LRMDA: variants seen among roughly 807,000 people sequenced by gnomAD.
LRMDA encodes leucine rich melanocyte differentiation associated.
In LRMDA, 18 loss-of-function variants were observed where a neutral mutation model predicts 29.8. The ratio of observed to expected loss-of-function variants is 0.60; its 90% confidence interval spans 0.42 to 0.90. LRMDA has a LOEUF of 0.90. Among genes scored for constraint, LRMDA ranks in the 40% least tolerant of loss-of-function variants. The pLI, the probability that LRMDA is intolerant of heterozygous loss-of-function variation, is 0.00. For missense variants in LRMDA, 273 were observed against 273.9 expected, an observed-to-expected ratio of 1.00 and a Z score of 0.02; for synonymous variants, 125 against 109.4, an observed-to-expected ratio of 1.14 and a Z score of -0.89.
chr10:75,697,335 A>T (rs116156376), intron 2 of LRMDA, among the ~76,000 whole-genome samples: 6,116 of 129,294 alleles, frequency 0.047, 182 homozygotes, highest in South Asian at 0.1. Flanking sequence ...TTTTTTTTTT[A>T]AAGTAGTTCA....
At chr10:75,749,446 A>G (rs1842926724) in intron 2 of LRMDA, among the ~76,000 whole-genome samples, 1 of 152,064 alleles carries the variant, frequency 6.6e-6, no homozygotes, top group Non-Finnish European at 1.5e-5. Flanking sequence ...ATTTATACAG[A>G]TATATATGTG....
intron 6 of LRMDA, among the ~76,000 whole-genome samples, chr10:76,477,753 G>C (rs1305175708): frequency 2.6e-5 from 4 of 151,858 alleles, no homozygotes; most frequent in South Asian, 2.1e-4. Context: ...TACCACACAT[G>C]TACAACTCTC....
At chr10:75,790,426 G>A (rs1843546073) in intron 2 of LRMDA, among the ~76,000 whole-genome samples, 1 of 152,204 alleles carries the variant, frequency 6.6e-6, no homozygotes, top group South Asian at 2.1e-4. Context: ...AATTGCAGAT[G>A]TTGCTAAAAT....
intron 2 of LRMDA, among the ~76,000 whole-genome samples, chr10:75,941,424 G>A (rs1361170642): frequency 6.6e-6 from 1 of 152,144 alleles, no homozygotes; most frequent in Non-Finnish European, 1.5e-5. Context: ...GCATAAGGAG[G>A]GGTGGCTATA....
chr10:75,919,325 A>G (rs766864096), intron 2 of LRMDA, among the ~76,000 whole-genome samples: 24 of 152,290 alleles, frequency 1.6e-4, no homozygotes, highest in Non-Finnish European at 3.1e-4. Flanking sequence ...CTCAAGATTC[A>G]TTTACTCAGC....
intron 2 of LRMDA, among the ~76,000 whole-genome samples, chr10:75,626,178 TTAGC>T (rs1361409573): frequency 1.3e-5 from 2 of 152,032 alleles, no homozygotes; most frequent in Non-Finnish European, 2.9e-5. Flanking sequence ...ATGCTCTATT[TTAGC>T]TACTCACCAC....
intron 2 of LRMDA, among the ~76,000 whole-genome samples, chr10:75,968,135 C>CT (rs1846899587): frequency 6.6e-6 from 1 of 151,966 alleles, no homozygotes; most frequent in Non-Finnish European, 1.5e-5. Context: ...TCCACCTGGT[C>CT]TGTGGTCTTG....
At chr10:76,531,842 G>A (rs1173339183) in intron 6 of LRMDA, among the ~76,000 whole-genome samples, 1 of 152,116 alleles carries the variant, frequency 6.6e-6, no homozygotes, top group Non-Finnish European at 1.5e-5. Context: ...GGAAAAGTGT[G>A]TGTAGAATTG....
intron 6 of LRMDA, among the ~76,000 whole-genome samples, chr10:76,540,551 A>G (rs1285870821): frequency 6.6e-6 from 1 of 151,818 alleles, no homozygotes; most frequent in Non-Finnish European, 1.5e-5. Context: ...AATCCAACCC[A>G]CCCCATCGTC....
chr10:76,370,173 C>G (rs1211624487), intron 6 of LRMDA, among the ~76,000 whole-genome samples: 1 of 151,960 alleles, frequency 6.6e-6, no homozygotes, highest in South Asian at 2.1e-4. Context: ...AAGAATTCCT[C>G]GTACACAAGA....
chr10:76,488,493 T>A (rs1019129165), intron 6 of LRMDA, among the ~76,000 whole-genome samples: 1 of 151,868 alleles, frequency 6.6e-6, no homozygotes, highest in Non-Finnish European at 1.5e-5. Context: ...GTATCAATAG[T>A]TCATTTAAAA....
In LRMDA at chr10:75,949,218, T is replaced by C. The variant is rs528853533; in HGVS notation, c.132-86790T>C. 5.9e-5 allele frequency among the ~76,000 whole-genome samples: 9 copies of C among 152,308 alleles called. No individual in the cohort carries two copies. The South Asian group carries it at 1.9e-3, about 32-fold the overall frequency. On this transcript the variant is annotated intron_variant, in intron 2 of 6. Transcript: ENST00000611255. ...GGTGTCCTGGAATACCAGAAGCAGC[T>C]GGCCACTTGCAAAAAAGGTTTGTCG...
intron 2 of LRMDA, among the ~76,000 whole-genome samples, chr10:75,599,664 G>T (rs2132090340): frequency 6.6e-6 from 1 of 152,332 alleles, no homozygotes; most frequent in South Asian, 2.1e-4. Flanking sequence ...AGACCTTTCT[G>T]TGATGATGGA....
At chr10:75,966,239 C>T (rs747879717) in intron 2 of LRMDA, among the ~76,000 whole-genome samples, 72 of 152,228 alleles carry the variant, frequency 4.7e-4, no homozygotes, top group Non-Finnish European at 4.7e-4. Context: ...TGGACGAGAG[C>T]CTGGGTGTGA....
intron 2 of LRMDA, among the ~76,000 whole-genome samples, chr10:75,847,428 G>T (rs1844658120): frequency 7.1e-6 from 1 of 141,672 alleles, no homozygotes; most frequent in Non-Finnish European, 1.6e-5. Flanking sequence ...ACATAGGAAA[G>T]CTTCAATGCA....
In LRMDA at chr10:75,740,108, T is replaced by C. The variant is rs138118345; in HGVS notation, c.132-295900T>C. Among the ~76,000 whole-genome samples, 9 of 152,376 alleles carry C rather than the reference T, an allele frequency of 5.9e-5. No homozygotes were observed. The East Asian group carries it at 1.7e-3, about 29-fold the overall frequency. ...AAGAGGCTCTATAAAAACGTTTATG[T>C]ACAGCCATACATAATGCATACATTT... On this transcript the variant is annotated intron_variant, in intron 2 of 6. Transcript: ENST00000611255.
At chr10:75,587,606 C>T (rs1296494269) in intron 2 of LRMDA, among the ~76,000 whole-genome samples, 1 of 152,200 alleles carries the variant, frequency 6.6e-6, no homozygotes, top group Non-Finnish European at 1.5e-5. Context: ...GTCCGTGGCT[C>T]TATGAGGGTT....
intron 6 of LRMDA, among the ~76,000 whole-genome samples, chr10:76,506,602 AC>A (rs1842961721): frequency 6.6e-6 from 1 of 152,054 alleles, no homozygotes; most frequent in Admixed American, 6.6e-5. Flanking sequence ...GTAGCTATCA[AC>A]CAACTTTTCT....
chr10:76,064,857 A>C (rs1223167842), intron 5 of LRMDA, among the ~76,000 whole-genome samples: 3 of 152,258 alleles, frequency 2.0e-5, no homozygotes, highest in Admixed American at 2.0e-4. Context: ...AACATTCAAA[A>C]AATAATTTAA....
Sources: allele counts gnomAD v4.1 joint callset (sites outside exome capture counted in the v4.1 genomes callset), GRCh38; gene constraint gnomAD v4.1.1; transcripts MANE v1.5; gene names NCBI Gene and HGNC (gene_info 2026-07-23, HGNC 2026-07-21).